Variants in TFAM observed in about 807,000 individuals in gnomAD.
TFAM encodes the protein mitochondrial transcription factor 1.
A neutral mutation model predicts 30.6 loss-of-function variants in TFAM; 13 were observed. The observed-to-expected ratio is 0.42, with a 90% CI of 0.28 to 0.67. The LOEUF (loss-of-function observed/expected upper bound fraction) is 0.67, where lower values mean the gene tolerates loss of function less well. Among genes scored for constraint, TFAM ranks in the 30% least tolerant of loss-of-function variants. The pLI, the probability that TFAM is intolerant of heterozygous loss-of-function variation, is 0.21. For synonymous variants in TFAM, 106 were observed against 94.8 expected (o/e 1.12, Z -0.69); for missense variants, 231 against 293.7 (o/e 0.79, Z 1.56).
chr10:58,391,939 T>C (rs79888306), intron 5 of TFAM, among the ~76,000 whole-genome samples: 1 of 151,704 alleles, frequency 6.6e-6, no homozygotes, highest in Non-Finnish European at 1.5e-5. Flanking sequence ...TTTTTTTTTT[T>C]TGTACTTACC....
chr10:58,391,856 A>G lies in TFAM; in HGVS notation c.537+996A>G, dbSNP rs536639862. The stretch of plus-strand genomic sequence containing the variant: ...GCTGTATTCACAGCTGACATATGCT[A>G]TGATTATTTTTTCTTTCTTACGAAA... On this transcript the variant is annotated intron_variant, in intron 5 of 6. Transcript: ENST00000487519. 9.3e-5 allele frequency among the ~76,000 whole-genome samples: 14 copies of G among 150,550 alleles called. No individual in the cohort carries two copies. In the East Asian group the frequency reaches 2.6e-3, roughly 28 times the overall value.
chr10:58,387,647 C>G (rs1840515441), intron 2 of TFAM, among the ~76,000 whole-genome samples: 1 of 152,074 alleles, frequency 6.6e-6, no homozygotes, highest in Non-Finnish European at 1.5e-5. Context: ...AACTAGTAAT[C>G]AGCCTGGTGT....
At chr10:58,391,235 C>A (rs906806694) in intron 5 of TFAM, among the ~76,000 whole-genome samples, 75 of 152,090 alleles carry the variant, frequency 4.9e-4, no homozygotes, top group Non-Finnish European at 2.2e-4. Context: ...CCTATTGCTT[C>A]ATTTATATCT....
rs1371047209 is a variant in TFAM at position 58,397,256 on chromosome 10, AAT to A, written c.*2183_*2184del. On this transcript the variant is annotated 3_prime_UTR_variant, in exon 7 of 7. Transcript: ENST00000487519. Reference sequence around the variant, plus strand: ...TGAGTTACATAAACATCTCGGGACAAATGCAGCATAGAAAACATCTTTGTAGT... The same window carrying A: ...TGAGTTACATAAACATCTCGGGACAAGCAGCATAGAAAACATCTTTGTAGT... 6.6e-6 allele frequency: 1 copy of A among 152,214 alleles called. No individual in the cohort carries two copies. The highest frequency in any genetic ancestry group is 1.9e-4 in the East Asian group (1 of 5,194). 9.4% of individuals were successfully genotyped at this position (152,214 alleles called of 1,614,324 possible).
At position 58,386,574 on chromosome 10, in the gene TFAM, G is replaced by A. The variant is rs1168798784; in HGVS notation, c.220+236G>A. On this transcript the variant is annotated intron_variant, in intron 2 of 6. Transcript: ENST00000487519. The stretch of plus-strand genomic sequence containing the variant: ...TAGTGTAGAAAGCACCCTAGGAAGA[G>A]GATAAAAAAGCTGAATTTGGGGCCT... The A allele has an allele frequency of 3.3e-6, 3 of 912,014 alleles. No homozygotes were observed. In the Admixed American group the frequency reaches 1.1e-4, roughly 32 times the overall value. 56.5% of individuals were successfully genotyped at this position (912,014 alleles called of 1,614,324 possible).
chr10:58,385,926 G>T lies in TFAM; in HGVS notation c.101+278G>T, dbSNP rs374026324. On this transcript the variant is annotated intron_variant, in intron 1 of 6. Transcript: ENST00000487519. ...CTTTCCGCCTCCTCTGCGAATTCGCGCCGAGTCTCCGGCCATCATCTAGGC... is the reference window on the plus strand; with the variant it reads ...CTTTCCGCCTCCTCTGCGAATTCGCTCCGAGTCTCCGGCCATCATCTAGGC... Among the ~76,000 whole-genome samples, 3 of 152,232 alleles carry T rather than the reference G, an allele frequency of 2.0e-5. No individual in the cohort carries two copies. In the South Asian group the frequency reaches 6.2e-4, roughly 32 times the overall value.
rs1461210051 is a variant in TFAM at position 58,396,329 on chromosome 10, A to G, written c.*1255A>G. On this transcript the variant is annotated 3_prime_UTR_variant, in exon 7 of 7. Coordinates refer to ENST00000487519, the MANE Select transcript of TFAM (RefSeq NM_003201.3). ...TTGAAGTGTTGGGATAGTTTTTTCA[A>G]ATGTTTTCAGATGTTCTTGTTTTAG... 7 of 152,212 alleles carry G rather than the reference A, an allele frequency of 4.6e-5. No homozygotes were observed. In the East Asian group the frequency reaches 1.3e-3, roughly 29 times the overall value. 9.4% of individuals were successfully genotyped at this position (152,212 alleles called of 1,614,324 possible). A position where few individuals can be genotyped will look rare whatever the true frequency, so the allele number is the denominator to read the frequency against.
At chr10:58,394,170 T>G (rs1840641486) in intron 5 of TFAM, among the ~76,000 whole-genome samples, 188 bp from the exon 6 acceptor site, 1 of 152,234 alleles carries the variant, frequency 6.6e-6, no homozygotes, top group Admixed American at 6.5e-5. Context: ...ATCAAAAATA[T>G]GTACCTTCAT....
At chr10:58,394,439 A>G in intron 6 of TFAM, 25 bp downstream of exon 6, 1 of 1,597,548 alleles carries the variant, frequency 6.3e-7, no homozygotes, top group South Asian at 1.1e-5. Context: ...TGTTAGTCTC[A>G]AGTGTCTACT....
intron 5 of TFAM, among the ~76,000 whole-genome samples, chr10:58,391,341 C>T (rs1245446566): frequency 2.6e-5 from 4 of 152,174 alleles, no homozygotes; most frequent in Admixed American, 2.0e-4. Context: ...TCAATCCCTG[C>T]TGTGGCTTAG....
rs1360303576 is a variant in TFAM at position 58,386,226 on chromosome 10, G to A, written c.108G>A (p.Val36=). 3.1e-6 allele frequency: 5 copies of A among 1,607,136 alleles called. No individual in the cohort carries two copies. Among genetic ancestry groups the A allele is most frequent in the Non-Finnish European group, 4.3e-6 (5 of 1,174,052 alleles). ...TCTTTTTGTTTATATGTAGTTTTGT[G>A]TATTTACCGAGGTGGTTTTCATCTG... The part of the protein sequence containing the change: ...GSRLRSPFSF[V]YLPRWFSSVL... Residue 36 remains valine (V), a synonymous_variant, in exon 2 of 7, where the codon GTG becomes GTA. Coordinates refer to ENST00000487519, the MANE Select transcript of TFAM (RefSeq NM_003201.3).
At chr10:58,388,896 C>T (rs1361952666) in intron 4 of TFAM, 77 bp downstream of exon 4, 2 of 1,271,610 alleles carry the variant, frequency 1.6e-6, no homozygotes, top group Admixed American at 3.8e-5. Flanking sequence ...GTAGTTTTCT[C>T]TTAATAGGCA....
intron 5 of TFAM, among the ~76,000 whole-genome samples, chr10:58,391,712 C>T (rs1269667395): frequency 6.6e-6 from 1 of 151,668 alleles, no homozygotes; most frequent in Non-Finnish European, 1.5e-5. Flanking sequence ...TTTTGGTTAG[C>T]TTGGTATTGT....
At chr10:58,393,789 A>G (rs775175054) in intron 5 of TFAM, among the ~76,000 whole-genome samples, 3 of 152,052 alleles carry the variant, frequency 2.0e-5, no homozygotes, top group Non-Finnish European at 4.4e-5. Flanking sequence ...CAGCTACTCC[A>G]GAAGTTGAGA....
chr10:58,391,684 CT>C (rs1840601188), intron 5 of TFAM, among the ~76,000 whole-genome samples: 1 of 151,798 alleles, frequency 6.6e-6, no homozygotes, highest in Non-Finnish European at 1.5e-5. Flanking sequence ...ATTCCCCTAC[CT>C]CCCAATATAG....
chr10:58,395,626 AT>A lies in TFAM; in HGVS notation c.*555del, dbSNP rs1194687990. On this transcript the variant is annotated 3_prime_UTR_variant, in exon 7 of 7. Coordinates refer to ENST00000487519, the MANE Select transcript of TFAM (RefSeq NM_003201.3). ...AACTTTGTATAAAAGGGACTGAGAA[AT>A]TTATAAACTTTTTTCTTACTGTCTT... is the stretch of plus-strand genomic sequence containing the variant. The A allele has an allele frequency of 3.9e-6, 1 of 253,316 alleles. No individual in the cohort carries two copies. The highest frequency in any genetic ancestry group is 7.4e-6 in the Non-Finnish European group (1 of 135,956). 15.7% of individuals were successfully genotyped at this position (253,316 alleles called of 1,614,324 possible).
Position 58,390,824 on chromosome 10 carries a change from T to C in TFAM, c.501T>C (p.Ala167=), listed in dbSNP as rs61873957. The C allele has an allele frequency of 1.2e-6, 2 of 1,613,324 alleles. No individual in the cohort carries two copies. Among genetic ancestry groups the C allele is most frequent in the Non-Finnish European group, 1.7e-6 (2 of 1,179,754 alleles). The change falls in exon 5 of 7, where the codon GCT becomes GCC. Residue 167 remains alanine, a synonymous_variant. Transcript: ENST00000487519. ...GTTCAGCTTATAACGTTTATGTAGC[T>C]GAAAGATTCCAAGAAGCTAAGGGTG... ...RPRSAYNVYV[A]ERFQEAKGDS...
At chr10:58,388,869 T>A in intron 4 of TFAM, 50 bp downstream of exon 4, 1 of 1,497,416 alleles carries the variant, frequency 6.7e-7, no homozygotes, top group Non-Finnish European at 9.2e-7. Flanking sequence ...TTGAGATTTA[T>A]ATAACTATGA....
chr10:58,394,370 A>G lies in TFAM; in HGVS notation c.550A>G (p.Thr184Ala). The change falls in exon 6 of 7, where the codon ACT (threonine) becomes GCT (alanine). Residue 184 changes from threonine to alanine, a missense_variant. By Grantham distance (58) the Thr-to-Ala change is moderately conservative. Coordinates refer to ENST00000487519, the MANE Select transcript of TFAM (RefSeq NM_003201.3). ...KGDSPQEKLK[T>A]VKENWKNLSD... ...TATTGTTTTACAGGAAAAGCTGAAGACTGTAAAGGAAAACTGGAAAAATCT... is the reference window on the plus strand; with the variant it reads ...TATTGTTTTACAGGAAAAGCTGAAGGCTGTAAAGGAAAACTGGAAAAATCT... The G allele has an allele frequency of 6.2e-7, 1 of 1,613,178 alleles. No individual in the cohort carries two copies. The highest frequency in any genetic ancestry group is 1.7e-4 in the Middle Eastern group (1 of 6,020).
Sources: allele counts gnomAD v4.1 joint callset (sites outside exome capture counted in the v4.1 genomes callset), GRCh38; gene constraint gnomAD v4.1.1; transcripts MANE v1.5; gene names NCBI Gene and HGNC (gene_info 2026-07-23, HGNC 2026-07-21).